DOCK5: variants seen among roughly 807,000 people sequenced by gnomAD.
DOCK5 encodes the protein dedicator of cytokinesis protein 5.
DOCK5 carries 142 observed loss-of-function variants against 251.8 expected under a neutral mutation model. The ratio of observed to expected loss-of-function variants is 0.56; its 90% CI spans 0.49 to 0.65. DOCK5 has a LOEUF of 0.65. Among genes scored for constraint, DOCK5 ranks in the 30% least tolerant of loss-of-function variants. The pLI, the probability that DOCK5 is intolerant of heterozygous loss-of-function variation, is 0.00. For missense variants in DOCK5, 2,111 were observed against 2,312.3 expected (o/e 0.91, Z 1.79); for synonymous variants, 842 against 835.5 (o/e 1.01, Z -0.13).
intron 38 of DOCK5, among the ~76,000 whole-genome samples, chr8:25,378,924 A>G (rs1356305503): frequency 6.6e-6 from 1 of 152,212 alleles, no homozygotes; most frequent in Non-Finnish European, 1.5e-5. Flanking sequence ...GCGACATCAC[A>G]TATCGGTAGG....
intron 27 of DOCK5, 43 bp downstream of exon 27, chr8:25,351,869 C>G (rs754432374): frequency 1.3e-6 from 2 of 1,573,094 alleles, no homozygotes; most frequent in African/African-American, 1.4e-5. Context: ...TGCTGTTTCT[C>G]TGTCCCCTTT....
chr8:25,190,955 T>C (rs1006981771), intron 1 of DOCK5, among the ~76,000 whole-genome samples: 1 of 151,902 alleles, frequency 6.6e-6, no homozygotes, highest in African/African-American at 2.4e-5. Flanking sequence ...GGCTAATTTT[T>C]TGTATTTTTT....
intron 14 of DOCK5, among the ~76,000 whole-genome samples, chr8:25,319,060 G>T (rs530781472): frequency 6.6e-6 from 1 of 152,268 alleles, no homozygotes; most frequent in Non-Finnish European, 1.5e-5. Flanking sequence ...CATTTCGTTT[G>T]ATAGTGCCCC....
chr8:25,355,696 C>T (rs1238327887), intron 27 of DOCK5, among the ~76,000 whole-genome samples: 3 of 152,116 alleles, frequency 2.0e-5, no homozygotes, highest in South Asian at 2.1e-4. Context: ...ATGATCCACC[C>T]GCCTTAGCAT....
At chr8:25,338,715 A>G (rs1430112734) in intron 22 of DOCK5, among the ~76,000 whole-genome samples, 1 of 152,206 alleles carries the variant, frequency 6.6e-6, no homozygotes, top group Non-Finnish European at 1.5e-5. Context: ...TGGGGCATGG[A>G]GTGTTCGACC....
At chr8:25,360,169 C>A (rs1369199774) in intron 28 of DOCK5, among the ~76,000 whole-genome samples, 18 of 152,246 alleles carry the variant, frequency 1.2e-4, no homozygotes, top group Non-Finnish European at 2.1e-4. Context: ...GGATTCGCAG[C>A]TCCTTCCTTG....
chr8:25,385,758 C>G (rs991118603), intron 40 of DOCK5, among the ~76,000 whole-genome samples: 4 of 152,074 alleles, frequency 2.6e-5, no homozygotes, highest in African/African-American at 9.7e-5. Flanking sequence ...AACACTGCCT[C>G]CTACAGTGTA....
In DOCK5 at chr8:25,400,497, C is replaced by CAA. The variant is rs4056277; in HGVS notation, c.4789-419_4789-418dup. 2.2e-4 allele frequency among the ~76,000 whole-genome samples: 17 copies of CAA among 76,360 alleles called. 1 individual carries two copies. The highest frequency in any genetic ancestry group is 6.8e-4 in the African/African-American group (14 of 20,534). The allele number at this position is 76,360 out of a possible 152,430, so 50.1% of individuals were successfully genotyped here. A position where few individuals can be genotyped will look rare whatever the true frequency, so the allele number is the denominator to read the frequency against. On this transcript the variant is annotated intron_variant, in intron 46 of 51. Transcript: ENST00000276440. ...TGGGCAACAGAGTGAGACTCCATCT[C>CAA]AAAAAAAAAAAAAAGAAAAGTTCAT... is the stretch of plus-strand genomic sequence containing the variant.
At chr8:25,239,434 G>A (rs113977737) in intron 1 of DOCK5, among the ~76,000 whole-genome samples, 1 of 151,664 alleles carries the variant, frequency 6.6e-6, no homozygotes, top group Non-Finnish European at 1.5e-5. Context: ...GCCTTTGAGA[G>A]CTTCTGCTTA....
chr8:25,372,411 C>A, intron 34 of DOCK5, 148 bp from the exon 35 acceptor site: 1 of 716,160 alleles, frequency 1.4e-6, no homozygotes. Flanking sequence ...TGTGTGTCGG[C>A]TTAACTGTGT....
At chr8:25,256,036 C>A (rs1402138516) in intron 2 of DOCK5, among the ~76,000 whole-genome samples, 3 of 152,178 alleles carry the variant, frequency 2.0e-5, no homozygotes, top group African/African-American at 7.2e-5. Context: ...GAAAACTTCA[C>A]TTCTCTTCCT....
intron 48 of DOCK5, 87 bp from the exon 49 acceptor site, chr8:25,407,896 G>A: frequency 8.3e-7 from 1 of 1,206,552 alleles, no homozygotes; most frequent in East Asian, 2.6e-5. Context: ...ATAGCCTAAA[G>A]AGTCATAACT....
intron 2 of DOCK5, among the ~76,000 whole-genome samples, chr8:25,258,789 G>A (rs1426996620): frequency 6.6e-6 from 1 of 152,144 alleles, no homozygotes. Flanking sequence ...TGCATGCCAG[G>A]CACTGCGAAG....
chr8:25,350,987 G>A (rs1257572902), intron 26 of DOCK5, among the ~76,000 whole-genome samples: 1 of 152,138 alleles, frequency 6.6e-6, no homozygotes, highest in South Asian at 2.1e-4. Flanking sequence ...AAGGTGGTAA[G>A]AGCTTTGTAT....
intron 6 of DOCK5, 105 bp downstream of exon 6, chr8:25,292,277 GAAT>G: frequency 7.9e-7 from 1 of 1,265,044 alleles, no homozygotes; most frequent in Non-Finnish European, 1.1e-6. Flanking sequence ...AGTTGCCAAA[GAAT>G]AATGCTTACT....
At chr8:25,336,467 C>G in intron 22 of DOCK5, 94 bp downstream of exon 22, 1 of 1,449,682 alleles carries the variant, frequency 6.9e-7, no homozygotes, top group Non-Finnish European at 9.4e-7. Context: ...GCTCTGTGAG[C>G]AGTTAGTTCT....
chr8:25,368,704 T>C lies in DOCK5; in HGVS notation c.3417T>C (p.Ser1139=), dbSNP rs144974993. The change falls in exon 33 of 52, where the codon AGT becomes AGC. Residue 1139 remains serine (S), a synonymous_variant. Coordinates refer to ENST00000276440, the MANE Select transcript of DOCK5 (RefSeq NM_024940.8). ...TGATGCAGTGTGAGTTCAATTTCAG[T>C]GGAAATGGCAATTTCCATATGGTAA... ...FDMMQCEFNF[S]GNGNFHMFEN... is the part of the protein sequence containing the mutation. 6.7e-5 allele frequency: 108 copies of C among 1,613,112 alleles called. No individual in the cohort carries two copies. Among genetic ancestry groups the C allele is most frequent in the Non-Finnish European group, 8.8e-5 (104 of 1,179,674 alleles).
chr8:25,277,855 A>G (rs560640367), intron 4 of DOCK5, among the ~76,000 whole-genome samples: 3 of 152,310 alleles, frequency 2.0e-5, no homozygotes, highest in South Asian at 4.1e-4. Context: ...TAGGTCTCCT[A>G]TATTTTTCCT....
At chr8:25,297,471 C>T (rs923486578) in intron 7 of DOCK5, among the ~76,000 whole-genome samples, 3 of 152,104 alleles carry the variant, frequency 2.0e-5, no homozygotes, top group Non-Finnish European at 4.4e-5. Flanking sequence ...CCAGGCTAGT[C>T]TTGAACTCCT....
Sources: gnomAD v4.1 joint callset for allele counts (sites outside exome capture counted in the v4.1 genomes callset) on GRCh38, gnomAD v4.1.1 for gene constraint, MANE v1.5 for transcripts, NCBI Gene and HGNC (gene_info 2026-07-23, HGNC 2026-07-21) for gene names.